CYTH2: variants seen among roughly 807,000 people sequenced by gnomAD.
The protein encoded by CYTH2 is cytohesin 2.
In CYTH2, 24 loss-of-function variants were observed where a neutral mutation model predicts 55.4. The ratio of observed to expected loss-of-function variants is 0.43; its 90% confidence interval spans 0.31 to 0.61. The LOEUF (loss-of-function observed/expected upper bound fraction) is 0.61, where lower values mean the gene tolerates loss of function less well. Among genes scored for constraint, CYTH2 ranks in the 20% least tolerant of loss-of-function variants. The pLI is 0.08. For synonymous variants in CYTH2, 221 were observed against 209.6 expected (o/e 1.05, Z -0.47); for missense variants, 378 against 533.5 (o/e 0.71, Z 2.87).
intron 1 of CYTH2, 61 bp downstream of exon 1, chr19:48,469,587 C>T (rs940240863): frequency 3.0e-6 from 4 of 1,322,276 alleles, no homozygotes; most frequent in Non-Finnish European, 3.9e-6. Context: ...CTGAACGTTC[C>T]GCCGCGAACG....
intron 8 of CYTH2, chr19:48,475,935 A>G (rs1971903466): frequency 4.0e-6 from 2 of 495,594 alleles, no homozygotes; most frequent in Non-Finnish European, 4.0e-6. Flanking sequence ...GTTACAGTCC[A>G]GCACAGCAGT....
rs757297911 is a variant in CYTH2, at chr19:48,474,856, C to T, written c.715C>T (p.Arg239Ter). The T allele has an allele frequency of 5.0e-6, 8 of 1,614,050 alleles. No homozygotes were observed. Among genetic ancestry groups the T allele is most frequent in the Non-Finnish European group, 5.9e-6 (7 of 1,180,038 alleles). Reference protein sequence around the residue: ...ELLRNLYDSIRNEPFKIPEDD... With the variant: ...ELLRNLYDSI Reference sequence around the variant, plus strand: ...TCCTCAGAACCTGTACGACAGCATCCGAAATGAGCCCTTCAAGATTCCTGA... The same window carrying T: ...TCCTCAGAACCTGTACGACAGCATCTGAAATGAGCCCTTCAAGATTCCTGA... The change falls in exon 8 of 12, where the codon CGA becomes TGA. Residue 239 changes from arginine to a stop codon, truncating the protein, a stop_gained. Coordinates refer to ENST00000452733, the MANE Select transcript of CYTH2 (RefSeq NM_004228.7). LOFTEE classifies it high-confidence loss of function. This position sits in a 1 kb window ranked among gnomAD's most constrained non-coding sequence, Gnocchi z 4.9.
intron 8 of CYTH2, 186 bp from the exon 9 acceptor site, chr19:48,477,883 G>T: frequency 1.7e-6 from 1 of 575,738 alleles, no homozygotes; most frequent in South Asian, 2.3e-5. Context: ...CAAGCTGGGG[G>T]TGGACGATTC....
Position 48,481,496 on chromosome 19 carries a change from T to C in CYTH2, c.*2286T>C. ...GCTTCTGATTTTTTTTGTAGGTTTT[T>C]TTTTTTGTTTTTTGTTTTGTTTTGT... On this transcript the variant is annotated 3_prime_UTR_variant, in exon 12 of 12. Transcript: ENST00000452733. The C allele has an allele frequency of 5.3e-6, 1 of 187,022 alleles. No individual in the cohort carries two copies. Among genetic ancestry groups the C allele is most frequent in the Non-Finnish European group, 1.1e-5 (1 of 90,176 alleles). The allele number at this position is 187,022 out of a possible 1,614,324, so 11.6% of individuals were successfully genotyped here.
chr19:48,470,402 G>T lies in CYTH2; in HGVS notation c.69G>T (p.Arg23=). 6.2e-7 allele frequency: 1 copy of T among 1,613,950 alleles called. No homozygotes were observed. Among genetic ancestry groups the T allele is most frequent in the Non-Finnish European group, 8.5e-7 (1 of 1,179,980 alleles). The change falls in exon 2 of 12, where the codon CGG becomes CGT. Residue 23 remains arginine (R), a synonymous_variant. Transcript: ENST00000452733. ...AGCGGATGGAGCTGGAGAACATCCG[G>T]CGGCGGAAGCAGGAGCTGCTGGTGG... ...PEERMELENI[R]RRKQELLVEI...
intron 8 of CYTH2, 125 bp downstream of exon 8, chr19:48,475,074 TCA>T: frequency 1.2e-6 from 1 of 831,916 alleles, no homozygotes; most frequent in Non-Finnish European, 1.9e-6. Flanking sequence ...TCTCTGAACC[TCA>T]GTTTTCCACA....
At chr19:48,475,202 G>A (rs1332964100) in intron 8 of CYTH2, 6 of 481,618 alleles carry the variant, frequency 1.2e-5, no homozygotes, top group Non-Finnish European at 1.8e-5. Context: ...TTCTGTGCCA[G>A]GCCCTGAGCT....
intron 8 of CYTH2, chr19:48,476,120 C>T: frequency 2.2e-6 from 1 of 454,006 alleles, no homozygotes. Flanking sequence ...TCAACAGATG[C>T]CAGGGTTTCC....
At chr19:48,478,773 A>ACGCCTGGGTCTGACGGAGGAGGGGCCG (rs1971986223) in intron 11 of CYTH2, among the ~76,000 whole-genome samples, 181 bp downstream of exon 11, 1 of 81,980 alleles carries the variant, frequency 1.2e-5, no homozygotes, top group African/African-American at 7.2e-5. Context: ...GAGGAGGGGC[A>ACGCCTGGGTCTGACGGAGGAGGGGCCG]GGGGCCTGGA....
At chr19:48,478,624 G>A (rs1971975702) in intron 11 of CYTH2, 32 bp downstream of exon 11, 1 of 1,514,194 alleles carries the variant, frequency 6.6e-7, no homozygotes, top group Admixed American at 1.8e-5. Flanking sequence ...TGATGGAGGA[G>A]GGGCTGGGGC....
At chr19:48,470,745 A>T (rs1338870540) in intron 3 of CYTH2, 76 bp downstream of exon 3, 1 of 1,534,548 alleles carries the variant, frequency 6.5e-7, no homozygotes, top group African/African-American at 1.4e-5. Flanking sequence ...GGGTTCCAGA[A>T]GCGTGATGGT....
In CYTH2 at chr19:48,469,452, A is replaced by T; in HGVS notation, c.-56A>T. 2 of 1,319,632 alleles carry T rather than the reference A, an allele frequency of 1.5e-6. No individual in the cohort carries two copies. The highest frequency in any genetic ancestry group is 4.2e-5 in the South Asian group (2 of 47,524). 81.7% of individuals were successfully genotyped at this position (1,319,632 alleles called of 1,614,324 possible). On this transcript the variant is annotated 5_prime_UTR_variant, in exon 1 of 12. Coordinates refer to ENST00000452733, the MANE Select transcript of CYTH2 (RefSeq NM_004228.7). ...CACCCGAGCCCGCGGGCCAACGCGG[A>T]TCCAGGCCCGACTGGCGGGACCGCC...
chr19:48,469,710 A>AG, intron 1 of CYTH2, 184 bp downstream of exon 1: 1 of 958,016 alleles, frequency 1.0e-6, no homozygotes, highest in African/African-American at 1.7e-5. Context: ...CGGGCGTTCC[A>AG]GGCCATTGTT....
Position 48,473,444 on chromosome 19 carries a change from G to A in CYTH2, c.434+66G>A, listed in dbSNP as rs1601022577. ...TGTCAGGGCCTTCCTAGTTACAAGT[G>A]ACAAACCTTACTCAAGAAAAAAACA... On this transcript the variant is annotated intron_variant, in intron 5 of 11. Transcript: ENST00000452733. 7.9e-6 allele frequency: 12 copies of A among 1,522,256 alleles called. No homozygotes were observed. In the East Asian group the frequency reaches 2.5e-4, roughly 31 times the overall value. The allele number at this position is 1,522,256 out of a possible 1,614,324, so 94.3% of individuals were successfully genotyped here.
chr19:48,475,769 A>G, intron 8 of CYTH2: 1 of 208,586 alleles, frequency 4.8e-6, no homozygotes, highest in African/African-American at 2.4e-5. Context: ...GCCATCAGTC[A>G]TCGTTTAAGC....
intron 3 of CYTH2, 128 bp from the exon 4 acceptor site, chr19:48,472,197 A>G: frequency 1.3e-6 from 1 of 759,746 alleles, no homozygotes; most frequent in Non-Finnish European, 2.2e-6. Context: ...GACCTGTGAG[A>G]AGGCTGAAAA....
chr19:48,477,914 G>A lies in CYTH2; in HGVS notation c.809-155G>A, dbSNP rs1971951338. ...GATTCCTGGAGCCCCAACATGCCTG[G>A]CCCTGCTTGTCTGTCTCCCCCAACG... is the stretch of plus-strand genomic sequence containing the variant. On this transcript the variant is annotated intron_variant, in intron 8 of 11. Transcript: ENST00000452733. 2.2e-5 allele frequency: 13 copies of A among 604,016 alleles called. No individual in the cohort carries two copies. In the East Asian group the frequency reaches 3.6e-4, roughly 17 times the overall value. The allele number at this position is 604,016 out of a possible 1,614,324, so 37.4% of individuals were successfully genotyped here.
Position 48,481,054 on chromosome 19 carries a change from G to A in CYTH2, c.*1844G>A, listed in dbSNP as rs898240130. On this transcript the variant is annotated 3_prime_UTR_variant, in exon 12 of 12. Transcript: ENST00000452733. ...AAGCCGTGCAAGGGCAGGAGGCAGG[G>A]GCCTGACGTGTTTGGATTGAGGTTG... 6.6e-6 allele frequency: 1 copy of A among 152,606 alleles called. No homozygotes were observed. The highest frequency in any genetic ancestry group is 6.5e-5 in the Admixed American group (1 of 15,286). 9.5% of individuals were successfully genotyped at this position (152,606 alleles called of 1,614,324 possible). A position where few individuals can be genotyped will look rare whatever the true frequency, so the allele number is the denominator to read the frequency against.
chr19:48,471,815 C>T (rs752870011), intron 3 of CYTH2, among the ~76,000 whole-genome samples: 9 of 152,102 alleles, frequency 5.9e-5, no homozygotes, highest in African/African-American at 9.7e-5. Context: ...TTTGAGAGGC[C>T]GAGGAGGGAG....
Sources: gnomAD v4.1 joint callset for allele counts (sites outside exome capture counted in the v4.1 genomes callset) on GRCh38, gnomAD v4.1.1 for gene constraint, Gnocchi (gnomAD v3.1) non-coding constraint, MANE v1.5 for transcripts, NCBI Gene and HGNC (gene_info 2026-07-23, HGNC 2026-07-21) for gene names.